PCDH9: variants seen among roughly 807,000 people sequenced by gnomAD.
PCDH9 encodes protocadherin-9.
A neutral mutation model predicts 70.6 loss-of-function variants in PCDH9; 24 were observed. The ratio of observed to expected loss-of-function variants is 0.34; its 90% CI spans 0.25 to 0.48. PCDH9 has a LOEUF of 0.48. Among genes scored for constraint, PCDH9 ranks in the 20% least tolerant of loss-of-function variants. The pLI, the probability that PCDH9 is intolerant of heterozygous loss-of-function variation, is 0.99. For missense variants in PCDH9, 1,281 were observed against 1,503.6 expected (o/e 0.85, Z 2.45); for synonymous variants, 562 against 558.5 (o/e 1.01, Z -0.09).
At chr13:67,112,895 A>AT (rs1384851567) in intron 2 of PCDH9, among the ~76,000 whole-genome samples, 1 of 150,484 alleles carries the variant, frequency 6.6e-6, no homozygotes, top group African/African-American at 2.5e-5. Flanking sequence ...ATTTTTTGTA[A>AT]TTTTTTGTTA....
intron 4 of PCDH9, among the ~76,000 whole-genome samples, chr13:66,391,047 TC>T (rs772033477): frequency 2.0e-5 from 3 of 152,160 alleles, no homozygotes; most frequent in East Asian, 1.9e-4. Context: ...GCTTTAAGTT[TC>T]ACTAAGAGCA....
intron 4 of PCDH9, among the ~76,000 whole-genome samples, chr13:66,589,605 A>C (rs1265380496): frequency 2.2e-4 from 34 of 152,074 alleles, no homozygotes; most frequent in Admixed American, 2.2e-3. Context: ...TGAAAACCAG[A>C]GTTCCATTGA....
intron 3 of PCDH9, among the ~76,000 whole-genome samples, chr13:66,690,218 T>G (rs1430290481): frequency 6.6e-6 from 1 of 151,868 alleles, no homozygotes; most frequent in Non-Finnish European, 1.5e-5. Context: ...AGTAATGCAG[T>G]TTTTTTTGCA....
At chr13:66,535,410 T>C (rs1960655551) in intron 4 of PCDH9, among the ~76,000 whole-genome samples, 1 of 152,044 alleles carries the variant, frequency 6.6e-6, no homozygotes, top group Non-Finnish European at 1.5e-5. Context: ...TAATTCCAAA[T>C]ATTCTTGTTG....
intron 3 of PCDH9, among the ~76,000 whole-genome samples, chr13:66,731,889 ACT>A (rs2079084238): frequency 6.6e-6 from 1 of 151,840 alleles, no homozygotes; most frequent in Admixed American, 6.6e-5. Flanking sequence ...TGACAAATAG[ACT>A]CTGCTATATT....
chr13:67,126,302 C>T (rs1202184589), intron 2 of PCDH9, among the ~76,000 whole-genome samples: 1 of 152,052 alleles, frequency 6.6e-6, no homozygotes, highest in African/African-American at 2.4e-5. Flanking sequence ...AAAATAAGCC[C>T]TCACCAGATC....
At chr13:67,031,453 C>A (rs141627095) in intron 2 of PCDH9, among the ~76,000 whole-genome samples, 1 of 152,006 alleles carries the variant, frequency 6.6e-6, no homozygotes, top group East Asian at 1.9e-4. Flanking sequence ...GTCTGTAATC[C>A]CAGCACTTTG....
intron 3 of PCDH9, among the ~76,000 whole-genome samples, chr13:66,796,945 T>C (rs2080251766): frequency 6.6e-6 from 1 of 152,040 alleles, no homozygotes; most frequent in African/African-American, 2.4e-5. Flanking sequence ...GGGTGAGCAC[T>C]GGAGAAAAAA....
rs570261792 is a variant in PCDH9, at chr13:66,303,123, G to GT, written c.*1531dup. ...TTTTTAAATTTTTTGTTTTTTTTTTGTTTTTTTTACTTTTAAATTGATGGT... is the reference window on the plus strand; with the variant it reads ...TTTTTAAATTTTTTGTTTTTTTTTTGTTTTTTTTTACTTTTAAATTGATGGT... On this transcript the variant is annotated 3_prime_UTR_variant, in exon 5 of 5. Transcript: ENST00000377865. 271 of 144,358 alleles carry GT rather than the reference G, an allele frequency of 1.9e-3. 1 individual carries two copies. The highest frequency in any genetic ancestry group is 0.014 in the East Asian group (71 of 4,944). 8.9% of individuals were successfully genotyped at this position (144,358 alleles called of 1,614,324 possible).
chr13:66,886,682 T>C (rs796292169), intron 3 of PCDH9, among the ~76,000 whole-genome samples: 4 of 152,284 alleles, frequency 2.6e-5, no homozygotes, highest in African/African-American at 9.6e-5. Flanking sequence ...GAAATCATAA[T>C]GTTAATTATT....
chr13:67,153,312 C>T (rs553176974), intron 2 of PCDH9, among the ~76,000 whole-genome samples: 1 of 152,130 alleles, frequency 6.6e-6, no homozygotes, highest in East Asian at 1.9e-4. Flanking sequence ...GAACTATAGG[C>T]ATGTGCCACT....
intron 4 of PCDH9, among the ~76,000 whole-genome samples, chr13:66,575,965 G>A (rs1372968544): frequency 6.6e-6 from 1 of 151,262 alleles, no homozygotes; most frequent in Non-Finnish European, 1.5e-5. Context: ...TAGCACATAG[G>A]CATAGTACAA....
At chr13:66,326,546 G>A (rs958399070) in intron 4 of PCDH9, among the ~76,000 whole-genome samples, 4 of 152,020 alleles carry the variant, frequency 2.6e-5, no homozygotes, top group Non-Finnish European at 4.4e-5. Context: ...AGCCTCCCGA[G>A]TAGCTGGGAC....
At chr13:66,391,124 GATTA>G (rs1455819910) in intron 4 of PCDH9, among the ~76,000 whole-genome samples, 2 of 152,120 alleles carry the variant, frequency 1.3e-5, no homozygotes, top group African/African-American at 4.8e-5. Context: ...CTCTGTTACT[GATTA>G]ATTCTTTTTA....
intron 4 of PCDH9, among the ~76,000 whole-genome samples, chr13:66,507,922 C>T (rs531963525): frequency 5.9e-5 from 9 of 152,156 alleles, no homozygotes; most frequent in Non-Finnish European, 1.2e-4. Context: ...AGGGTTTCAC[C>T]GCGTTAGCCA....
intron 4 of PCDH9, among the ~76,000 whole-genome samples, chr13:66,479,385 T>C (rs73207700): frequency 0.018 from 2,748 of 152,354 alleles, 38 homozygotes; most frequent in Non-Finnish European, 0.029. Context: ...ATTTAAGAAT[T>C]ATTTTTCATA....
chr13:66,388,117 G>A (rs373761556), intron 4 of PCDH9, among the ~76,000 whole-genome samples: 1 of 152,032 alleles, frequency 6.6e-6, no homozygotes, highest in African/African-American at 2.4e-5. Flanking sequence ...ATTTATAGTT[G>A]TCTCAAATTT....
At chr13:66,863,039 A>C (rs552522606) in intron 3 of PCDH9, among the ~76,000 whole-genome samples, 1 of 152,326 alleles carries the variant, frequency 6.6e-6, no homozygotes, top group East Asian at 1.9e-4. Context: ...TCACATTTTC[A>C]AGTACATAAC....
rs1314156260 is a variant in PCDH9, at chr13:66,746,258, G to T, written c.3139-114847C>A. Reference sequence around the variant, plus strand: ...ATAAAAAGAATAAAAAGAATCTTCAGCTCTGAAAGTGTGTTTTAACTGAGA... The same window carrying T: ...ATAAAAAGAATAAAAAGAATCTTCATCTCTGAAAGTGTGTTTTAACTGAGA... On this transcript the variant is annotated intron_variant, in intron 3 of 4. Coordinates refer to ENST00000377865, the MANE Select transcript of PCDH9 (RefSeq NM_203487.3). 2.6e-5 allele frequency among the ~76,000 whole-genome samples: 4 copies of T among 152,264 alleles called. No homozygotes were observed. In the South Asian group the frequency reaches 8.3e-4, roughly 32 times the overall value.
Sources: allele counts gnomAD v4.1 joint callset (sites outside exome capture counted in the v4.1 genomes callset), GRCh38; gene constraint gnomAD v4.1.1; transcripts MANE v1.5; gene names NCBI Gene and HGNC (gene_info 2026-07-23, HGNC 2026-07-21).